ZNF804B: variants seen among roughly 807,000 people sequenced by gnomAD.
ZNF804B encodes the protein zinc finger protein 804B, also known as zinc finger 804B.
ZNF804B carries 80 observed loss-of-function variants against 101.4 expected under a neutral mutation model. The ratio of observed to expected loss-of-function variants is 0.79; its 90% CI spans 0.66 to 0.95. The LOEUF (loss-of-function observed/expected upper bound fraction) is 0.95. Among genes scored for constraint, ZNF804B ranks in the 40% least tolerant of loss-of-function variants. The pLI, the probability that ZNF804B is intolerant of heterozygous loss-of-function variation, is 0.00. For missense variants in ZNF804B, 1,673 were observed against 1,561.9 expected, an observed-to-expected ratio of 1.07 and a Z score of -1.20; for synonymous variants, 622 against 558.8, an observed-to-expected ratio of 1.11 and a Z score of -1.59.
At chr7:89,010,450 CTG>C (rs529607647) in intron 1 of ZNF804B, among the ~76,000 whole-genome samples, 1 of 152,280 alleles carries the variant, frequency 6.6e-6, no homozygotes, top group South Asian at 2.1e-4. Context: ...CTCTTTCTCT[CTG>C]TCTCTTTTAC....
Position 89,172,538 on chromosome 7 carries a change from G to A in ZNF804B, c.109-45617G>A, listed in dbSNP as rs149708920. ...TGCCTTGTCAAGTGTTTTACTAACTGTACAGCCACTTTTTCTCCTTCCTGA... is the reference window on the plus strand; with the variant it reads ...TGCCTTGTCAAGTGTTTTACTAACTATACAGCCACTTTTTCTCCTTCCTGA... On this transcript the variant is annotated intron_variant, in intron 1 of 3. Coordinates refer to ENST00000333190, the MANE Select transcript of ZNF804B (RefSeq NM_181646.5). Among the ~76,000 whole-genome samples, 461 of 152,198 alleles carry A rather than the reference G, an allele frequency of 3.0e-3. 4 individuals carry two copies. Among genetic ancestry groups the A allele is most frequent in the African/African-American group, 0.01 (428 of 41,546 alleles).
rs1159497536 is a variant in ZNF804B at position 88,855,290 on chromosome 7, G to A, written c.108+95206G>A. Among the ~76,000 whole-genome samples the A allele has an allele frequency of 6.0e-5, 9 of 149,604 alleles. No individual in the cohort carries two copies. The East Asian group carries it at 8.6e-4, about 14-fold the overall frequency. On this transcript the variant is annotated intron_variant, in intron 1 of 3. Transcript: ENST00000333190. The stretch of plus-strand genomic sequence containing the variant: ...GTTGTTTCCTGACTTTTTAATGATC[G>A]CCATTCTAACTGGTGTGAGATGGTA...
chr7:89,208,081 G>GTT (rs201597943), intron 1 of ZNF804B, among the ~76,000 whole-genome samples: 1,603 of 135,386 alleles, frequency 0.012, 78 homozygotes, highest in African/African-American at 0.037. Context: ...TATTTTATTG[G>GTT]GTTTTTTTTT....
intron 1 of ZNF804B, among the ~76,000 whole-genome samples, chr7:89,212,076 A>G (rs7458134): frequency 6.6e-6 from 1 of 152,010 alleles, no homozygotes; most frequent in Non-Finnish European, 1.5e-5. Context: ...TGTTAGCTGT[A>G]TTCCTAGGTA....
chr7:89,317,218 T>C (rs1357332609), intron 2 of ZNF804B, among the ~76,000 whole-genome samples: 4 of 152,210 alleles, frequency 2.6e-5, no homozygotes, highest in Admixed American at 2.6e-4. Flanking sequence ...CCAGAACTTG[T>C]ACAGAGAAGA....
chr7:89,315,015 T>A (rs567973815), intron 2 of ZNF804B, among the ~76,000 whole-genome samples: 1 of 152,224 alleles, frequency 6.6e-6, no homozygotes, highest in East Asian at 1.9e-4. Flanking sequence ...AGAAAAGAGG[T>A]TTAATTGGCT....
intron 1 of ZNF804B, among the ~76,000 whole-genome samples, chr7:88,801,354 C>G (rs1169460408): frequency 6.6e-6 from 1 of 151,478 alleles, no homozygotes; most frequent in Non-Finnish European, 1.5e-5. Context: ...TTCTATGCCA[C>G]GCTCAGAAGT....
chr7:88,772,146 T>C (rs962432564), intron 1 of ZNF804B, among the ~76,000 whole-genome samples: 28 of 152,200 alleles, frequency 1.8e-4, no homozygotes, highest in African/African-American at 6.8e-4. Context: ...TTTAATGTTC[T>C]TCTTTCAGTA....
At chr7:88,790,945 T>C (rs1790371231) in intron 1 of ZNF804B, among the ~76,000 whole-genome samples, 1 of 152,138 alleles carries the variant, frequency 6.6e-6, no homozygotes, top group Non-Finnish European at 1.5e-5. Flanking sequence ...TTAAAGACAT[T>C]ATATCAGTGA....
rs371715584 is a variant in ZNF804B, at chr7:89,224,681, G to T, written c.249+6386G>T. Reference sequence around the variant, plus strand: ...ATAATACTCTCTCCTGTTCCATTTTGCATTCTGTAAACCAATATTTCTGGC... The same window carrying T: ...ATAATACTCTCTCCTGTTCCATTTTTCATTCTGTAAACCAATATTTCTGGC... On this transcript the variant is annotated intron_variant, in intron 2 of 3. Transcript: ENST00000333190. 3.1e-4 allele frequency among the ~76,000 whole-genome samples: 46 copies of T among 150,666 alleles called. 1 individual carries two copies. The East Asian group carries it at 6.7e-3, about 22-fold the overall frequency.
chr7:89,301,832 G>T (rs1790478986), intron 2 of ZNF804B, among the ~76,000 whole-genome samples: 1 of 151,830 alleles, frequency 6.6e-6, no homozygotes, highest in Non-Finnish European at 1.5e-5. Flanking sequence ...TCTCTGAGAT[G>T]GGGAAGATGA....
rs1365926728 is a variant in ZNF804B at position 89,290,573 on chromosome 7, C to G, written c.250-36771C>G. ...GTCTTAACTGAACATCATCAGTAGC[C>G]TGGCAGTACTCCCCGGGGGTCTGTA... On this transcript the variant is annotated intron_variant, in intron 2 of 3. Transcript: ENST00000333190. Among the ~76,000 whole-genome samples, 4 of 152,094 alleles carry G rather than the reference C, an allele frequency of 2.6e-5. 1 individual carries two copies. In the South Asian group the frequency reaches 6.2e-4, roughly 24 times the overall value.
intron 1 of ZNF804B, among the ~76,000 whole-genome samples, chr7:89,010,282 T>A (rs564132974): frequency 6.6e-6 from 1 of 152,286 alleles, no homozygotes; most frequent in Admixed American, 6.5e-5. Context: ...TCACAGCCTA[T>A]AAGGGACAGA....
At chr7:89,241,146 C>T (rs947895207) in intron 2 of ZNF804B, among the ~76,000 whole-genome samples, 5 of 152,070 alleles carry the variant, frequency 3.3e-5, no homozygotes, top group African/African-American at 9.7e-5. Flanking sequence ...TCTGCTCTTA[C>T]GTAGAAGAGA....
Position 88,935,788 on chromosome 7 carries a change from T to G in ZNF804B, c.108+175704T>G, listed in dbSNP as rs193221621. Reference sequence around the variant, plus strand: ...TTTTCAGGAAAATTACTAAAAAAATTTTTTTATCCTATTTGGAAGTCTGTT... The same window carrying G: ...TTTTCAGGAAAATTACTAAAAAAATGTTTTTATCCTATTTGGAAGTCTGTT... On this transcript the variant is annotated intron_variant, in intron 1 of 3. Transcript: ENST00000333190. 1.4e-3 allele frequency among the ~76,000 whole-genome samples: 208 copies of G among 151,998 alleles called. 3 individuals are homozygous for G. Among genetic ancestry groups the G allele is most frequent in the African/African-American group, 4.9e-3 (203 of 41,518 alleles).
intron 1 of ZNF804B, among the ~76,000 whole-genome samples, chr7:89,050,724 A>T (rs1789189111): frequency 6.6e-6 from 1 of 152,136 alleles, no homozygotes; most frequent in South Asian, 2.1e-4. Context: ...CTGCTTTTTC[A>T]AAACAGTTCA....
chr7:88,782,113 G>C (rs1193872157), intron 1 of ZNF804B, among the ~76,000 whole-genome samples: 1 of 142,652 alleles, frequency 7.0e-6, no homozygotes, highest in African/African-American at 3.0e-5. Flanking sequence ...GTGTGTGTGT[G>C]TGTGTGTGTG....
chr7:88,759,858 C>T lies in ZNF804B; in HGVS notation c.-119C>T. 1 of 779,798 alleles carries T rather than the reference C, an allele frequency of 1.3e-6. No individual in the cohort carries two copies. Among genetic ancestry groups the T allele is most frequent in the Admixed American group, 2.2e-5 (1 of 46,042 alleles). The allele number at this position is 779,798 out of a possible 1,614,324, so 48.3% of individuals were successfully genotyped here. A position where few individuals can be genotyped will look rare whatever the true frequency, so the allele number is the denominator to read the frequency against. On this transcript the variant is annotated 5_prime_UTR_variant, in exon 1 of 4. Transcript: ENST00000333190. ...GCGCTGCCACCGCCTCCCCCTGCGT[C>T]CTGCTGGCCGCGTCTTCTCGGGAGG...
chr7:88,771,688 T>A (rs1169263177), intron 1 of ZNF804B, among the ~76,000 whole-genome samples: 1 of 152,152 alleles, frequency 6.6e-6, no homozygotes, highest in African/African-American at 2.4e-5. Context: ...GGATTTATGC[T>A]AATAAAACAT....
Sources: gnomAD v4.1 joint callset for allele counts (sites outside exome capture counted in the v4.1 genomes callset) on GRCh38, gnomAD v4.1.1 for gene constraint, MANE v1.5 for transcripts, NCBI Gene and HGNC (gene_info 2026-07-23, HGNC 2026-07-21) for gene names.